The following LUZP2 variants were observed in gnomAD, a reference collection of about 807,000 sequenced individuals.
LUZP2 encodes leucine zipper protein 2.
Under a neutral mutation model 51.6 loss-of-function variants are expected in LUZP2, and 52 were observed. The observed-to-expected ratio is 1.01, with a 90% CI of 0.81 to 1.27. The LOEUF (loss-of-function observed/expected upper bound fraction) is 1.27. Ranked by LOEUF, LUZP2 falls within the 50% of genes most tolerant of loss-of-function variation. LUZP2 has a pLI of 0.00. For synonymous variants in LUZP2, 154 were observed against 137.3 expected, an observed-to-expected ratio of 1.12 and a Z score of -0.85; for missense variants, 436 against 395.4, an observed-to-expected ratio of 1.10 and a Z score of -0.87.
At chr11:24,861,036 A>G (rs1851725616) in intron 5 of LUZP2, among the ~76,000 whole-genome samples, 1 of 152,168 alleles carries the variant, frequency 6.6e-6, no homozygotes, top group South Asian at 2.1e-4. Flanking sequence ...GTTCTAACCC[A>G]ATGCGAAGAA....
intron 1 of LUZP2, among the ~76,000 whole-genome samples, chr11:24,559,023 AG>A (rs1488338317): frequency 2.6e-5 from 4 of 152,164 alleles, no homozygotes; most frequent in Non-Finnish European, 1.5e-5. Context: ...TGGTCGTAAA[AG>A]TAGACTTCAG....
At chr11:24,527,759 A>G (rs1221734459) in intron 1 of LUZP2, among the ~76,000 whole-genome samples, 2 of 151,330 alleles carry the variant, frequency 1.3e-5, no homozygotes, top group Non-Finnish European at 3.0e-5. Context: ...GGGTCACTCA[A>G]CAGTCAGCTT....
chr11:24,999,182 G>T (rs1856599727), intron 9 of LUZP2, among the ~76,000 whole-genome samples: 1 of 152,020 alleles, frequency 6.6e-6, no homozygotes, highest in South Asian at 2.1e-4. Flanking sequence ...ACTTTCTATA[G>T]CCTCCAACTC....
chr11:24,778,937 A>G (rs1385581914), intron 5 of LUZP2, among the ~76,000 whole-genome samples: 1 of 152,184 alleles, frequency 6.6e-6, no homozygotes, highest in Admixed American at 6.5e-5. Flanking sequence ...CTCAATGTAA[A>G]TTCCAACTGA....
At chr11:24,717,092 TAGG>T (rs555580139) in intron 1 of LUZP2, among the ~76,000 whole-genome samples, 303 of 152,204 alleles carry the variant, frequency 2.0e-3, no homozygotes, top group Middle Eastern at 3.4e-3. Context: ...TTTATAGTTC[TAGG>T]AGGAGATTTC....
chr11:24,534,944 C>T (rs952981971), intron 1 of LUZP2, among the ~76,000 whole-genome samples: 1 of 151,476 alleles, frequency 6.6e-6, no homozygotes, highest in African/African-American at 2.4e-5. Context: ...ACATAGAGGC[C>T]TGTCTTGGAG....
chr11:25,067,793 A>T (rs930889947), intron 10 of LUZP2, among the ~76,000 whole-genome samples: 3 of 152,026 alleles, frequency 2.0e-5, no homozygotes, highest in Non-Finnish European at 2.9e-5. Flanking sequence ...TAGAAATATC[A>T]TTTGACCCAG....
intron 5 of LUZP2, among the ~76,000 whole-genome samples, chr11:24,771,288 T>C (rs749657261): frequency 1.3e-5 from 2 of 150,972 alleles, no homozygotes; most frequent in East Asian, 1.9e-4. Flanking sequence ...TAGGTCATCA[T>C]TGAAGGCTAT....
At chr11:24,796,617 C>G (rs925679759) in intron 5 of LUZP2, among the ~76,000 whole-genome samples, 1 of 148,662 alleles carries the variant, frequency 6.7e-6, no homozygotes, top group African/African-American at 2.5e-5. Flanking sequence ...AAGGTTTATA[C>G]CAGGGCTGGC....
intron 9 of LUZP2, among the ~76,000 whole-genome samples, chr11:25,042,561 C>G (rs906168267): frequency 6.6e-6 from 1 of 152,236 alleles, no homozygotes; most frequent in Admixed American, 6.5e-5. Context: ...TTTCCTATTG[C>G]TGTTGTAACA....
At chr11:25,022,767 A>T (rs987065477) in intron 9 of LUZP2, among the ~76,000 whole-genome samples, 4 of 152,128 alleles carry the variant, frequency 2.6e-5, no homozygotes, top group African/African-American at 9.7e-5. Context: ...CCCATTCAAT[A>T]TGATAATGGC....
intron 1 of LUZP2, among the ~76,000 whole-genome samples, chr11:24,654,952 T>TA (rs1425450273): frequency 9.8e-5 from 15 of 152,304 alleles, no homozygotes; most frequent in African/African-American, 3.6e-4. Flanking sequence ...TTTGGATACT[T>TA]AGACTAAGTT....
intron 1 of LUZP2, among the ~76,000 whole-genome samples, chr11:24,569,327 A>T (rs546461971): frequency 2.0e-5 from 3 of 152,122 alleles, no homozygotes; most frequent in Admixed American, 1.3e-4. Context: ...TAAAAATGGT[A>T]TATTAAATCC....
At chr11:24,501,759 ATAGAT>A in intron 1 of LUZP2, among the ~76,000 whole-genome samples, 1 of 152,334 alleles carries the variant, frequency 6.6e-6, no homozygotes, top group South Asian at 2.1e-4. Context: ...CAATAAAACA[ATAGAT>A]TAGTTATGTA....
chr11:25,006,786 C>G (rs1293706456), intron 9 of LUZP2, among the ~76,000 whole-genome samples: 2 of 152,030 alleles, frequency 1.3e-5, no homozygotes, highest in African/African-American at 4.8e-5. Flanking sequence ...AGCCATAGAC[C>G]CATGTGGTGA....
chr11:24,632,747 T>G (rs1854939450), intron 1 of LUZP2, among the ~76,000 whole-genome samples: 1 of 152,116 alleles, frequency 6.6e-6, no homozygotes, highest in Admixed American at 6.6e-5. Context: ...AAGAGGAGAC[T>G]GGATTGTTCC....
intron 1 of LUZP2, among the ~76,000 whole-genome samples, chr11:24,717,845 G>A (rs1330992048): frequency 1.4e-5 from 2 of 139,510 alleles, no homozygotes; most frequent in African/African-American, 5.4e-5. Context: ...ACGAGAGCAT[G>A]TGATATTTGG....
intron 1 of LUZP2, among the ~76,000 whole-genome samples, chr11:24,586,951 C>A (rs1332282317): frequency 1.3e-5 from 2 of 151,018 alleles, no homozygotes; most frequent in Non-Finnish European, 2.9e-5. Flanking sequence ...AGTTTCTACT[C>A]TTAGGTAGTA....
chr11:24,813,452 G>A (rs1254616685), intron 5 of LUZP2, among the ~76,000 whole-genome samples: 2 of 152,184 alleles, frequency 1.3e-5, no homozygotes, highest in Admixed American at 6.5e-5. Context: ...AGAAGGCAAA[G>A]GGGGAGCAGG....
Sources: gnomAD v4.1 joint callset for allele counts (sites outside exome capture counted in the v4.1 genomes callset) on GRCh38, gnomAD v4.1.1 for gene constraint, MANE v1.5 for transcripts, NCBI Gene and HGNC (gene_info 2026-07-23, HGNC 2026-07-21) for gene names.